PREX2: variants seen among roughly 807,000 people sequenced by gnomAD.
PREX2 encodes phosphatidylinositol-3,4,5-trisphosphate dependent Rac exchange factor 2.
PREX2 carries 107 observed loss-of-function variants against 203.2 expected under a neutral mutation model. That is an observed-to-expected ratio of 0.53 (90% CI 0.45 to 0.62). The LOEUF (loss-of-function observed/expected upper bound fraction) is 0.62. PREX2 is among the 20% of genes least tolerant of loss of function. The pLI, the probability that PREX2 is intolerant of heterozygous loss-of-function variation, is 0.00. For synonymous variants in PREX2, 672 were observed against 663.6 expected, an observed-to-expected ratio of 1.01 and a Z score of -0.19; for missense variants, 1,777 against 1,955.9, an observed-to-expected ratio of 0.91 and a Z score of 1.72.
intron 10 of PREX2, among the ~76,000 whole-genome samples, chr8:68,057,077 A>G (rs1011397880): frequency 3.3e-5 from 5 of 152,102 alleles, no homozygotes; most frequent in African/African-American, 1.2e-4. Flanking sequence ...CCCACGTGTC[A>G]GGGGAGGCAA....
intron 18 of PREX2, among the ~76,000 whole-genome samples, chr8:68,085,796 A>G (rs1401454953): frequency 6.6e-6 from 1 of 152,192 alleles, no homozygotes. Flanking sequence ...CTTAAAGATT[A>G]GAGTCAACCT....
chr8:68,086,013 C>T (rs1240736982), intron 18 of PREX2, among the ~76,000 whole-genome samples: 1 of 152,104 alleles, frequency 6.6e-6, no homozygotes, highest in African/African-American at 2.4e-5. Flanking sequence ...TGTATTCATT[C>T]CCTTTTTCTT....
At position 68,095,869 on chromosome 8, in the gene PREX2, T is replaced by C. The variant is rs142250084; in HGVS notation, c.2369-1148T>C. On this transcript the variant is annotated intron_variant, in intron 21 of 39. Coordinates refer to ENST00000288368, the MANE Select transcript of PREX2 (RefSeq NM_024870.4). Reference sequence around the variant, plus strand: ...TGTTGCCCAGGCTGGTTTCAAACTCTTGAGCTTAAGTGATCCTCCCATTTG... The same window carrying C: ...TGTTGCCCAGGCTGGTTTCAAACTCCTGAGCTTAAGTGATCCTCCCATTTG... Among the ~76,000 whole-genome samples, 452 of 152,162 alleles carry C rather than the reference T, an allele frequency of 3.0e-3. 3 individuals are homozygous for C. The highest frequency in any genetic ancestry group is 7.9e-3 in the African/African-American group (328 of 41,516).
rs764313046 is a variant in PREX2, at chr8:68,069,810, T to C, written c.1444-25T>C. 30 of 1,302,420 alleles carry C rather than the reference T, an allele frequency of 2.3e-5. No individual in the cohort carries two copies. The South Asian group carries it at 3.9e-4, about 17-fold the overall frequency. 80.7% of individuals were successfully genotyped at this position (1,302,420 alleles called of 1,614,324 possible). A position where few individuals can be genotyped will look rare whatever the true frequency, so the allele number is the denominator to read the frequency against. On this transcript the variant is annotated intron_variant, in intron 12 of 39. Coordinates refer to ENST00000288368, the MANE Select transcript of PREX2 (RefSeq NM_024870.4). ...TGTCCCTTGGGTAATCTCACTTGTT[T>C]TTGATATATCTCTATTTTACGTAGG...
intron 1 of PREX2, among the ~76,000 whole-genome samples, chr8:67,963,665 T>G (rs757031437): frequency 3.3e-5 from 5 of 151,940 alleles, no homozygotes; most frequent in Non-Finnish European, 7.4e-5. Flanking sequence ...AGAAAAAGAA[T>G]AGTATTTTTT....
intron 5 of PREX2, 115 bp downstream of exon 5, chr8:68,027,438 A>C: frequency 1.4e-6 from 1 of 690,212 alleles, no homozygotes; most frequent in Non-Finnish European, 2.5e-6. Context: ...CGTAGACCAT[A>C]AGTATTGGAA....
At chr8:68,048,291 G>A (rs1808427225) in intron 8 of PREX2, among the ~76,000 whole-genome samples, 1 of 152,024 alleles carries the variant, frequency 6.6e-6, no homozygotes, top group South Asian at 2.1e-4. Context: ...AATTTTTATA[G>A]TGCATGACTG....
chr8:67,978,756 G>A (rs1806183521), intron 1 of PREX2, among the ~76,000 whole-genome samples: 2 of 152,026 alleles, frequency 1.3e-5, no homozygotes, highest in Non-Finnish European at 1.5e-5. Flanking sequence ...TTTTATATCT[G>A]TAAGTAGCCT....
At position 68,232,088 on chromosome 8, in the gene PREX2, A is replaced by G. The variant is rs1408869538; in HGVS notation, c.*710A>G. ...AATCAATGCTATTTTTGGTGTCTGC[A>G]ATGGGCATGGCTTCCTTGGGCCATG... On this transcript the variant is annotated 3_prime_UTR_variant, in exon 40 of 40. Transcript: ENST00000288368. 2.0e-5 allele frequency: 3 copies of G among 152,202 alleles called. No homozygotes were observed. Among genetic ancestry groups the G allele is most frequent in the Admixed American group, 2.0e-4 (3 of 15,278 alleles). 9.4% of individuals were successfully genotyped at this position (152,202 alleles called of 1,614,324 possible). A position where few individuals can be genotyped will look rare whatever the true frequency, so the allele number is the denominator to read the frequency against.
intron 1 of PREX2, among the ~76,000 whole-genome samples, chr8:68,000,358 A>AAAC (rs1339045122): frequency 6.6e-6 from 1 of 152,154 alleles, no homozygotes; most frequent in Non-Finnish European, 1.5e-5. Context: ...CAGTTGCCAC[A>AAAC]AAACAAACAA....
intron 23 of PREX2, chr8:68,101,306 G>T (rs966794170): frequency 1.4e-5 from 7 of 516,464 alleles, no homozygotes; most frequent in African/African-American, 9.6e-5. Context: ...TGAGTCAAGG[G>T]AAAAGAGATC....
At chr8:68,088,033 A>G (rs1809753823) in intron 19 of PREX2, among the ~76,000 whole-genome samples, 1 of 152,158 alleles carries the variant, frequency 6.6e-6, no homozygotes, top group African/African-American at 2.4e-5. Flanking sequence ...TTATGCCTAA[A>G]TCTCACTTTT....
intron 3 of PREX2, among the ~76,000 whole-genome samples, chr8:68,021,741 A>C (rs1807573194): frequency 6.6e-6 from 1 of 152,184 alleles, no homozygotes; most frequent in African/African-American, 2.4e-5. Flanking sequence ...TTAAGCTGTA[A>C]CTGAATCCTC....
At chr8:67,993,752 T>C (rs1317192309) in intron 1 of PREX2, among the ~76,000 whole-genome samples, 2 of 152,162 alleles carry the variant, frequency 1.3e-5, no homozygotes, top group Non-Finnish European at 2.9e-5. Flanking sequence ...GAGTATTTTA[T>C]CCAGGGCCAA....
chr8:68,030,438 A>C, intron 5 of PREX2, 59 bp from the exon 6 acceptor site: 2 of 1,558,336 alleles, frequency 1.3e-6, no homozygotes, highest in Admixed American at 3.5e-5. Flanking sequence ...GTCAGTCTGA[A>C]CCTGCTGTAC....
chr8:68,128,853 CCA>C (rs2129613281), intron 31 of PREX2, among the ~76,000 whole-genome samples: 1 of 152,284 alleles, frequency 6.6e-6, no homozygotes, highest in South Asian at 2.1e-4. Context: ...TTCCAAAGTA[CCA>C]CACTTGGAAA....
rs138997044 is a variant in PREX2 at position 68,110,617 on chromosome 8, A to ACG, written c.3146+995_3146+996insGC. Among the ~76,000 whole-genome samples, 1,076 of 152,308 alleles carry ACG rather than the reference A, an allele frequency of 7.1e-3. 14 individuals are homozygous for ACG. Among genetic ancestry groups the ACG allele is most frequent in the African/African-American group, 0.024 (983 of 41,550 alleles). On this transcript the variant is annotated intron_variant, in intron 25 of 39. Transcript: ENST00000288368. ...GATGTGAACTCTTTTAACTTCACACACACACCTATCATCCTGTACTTCATG... is the reference window on the plus strand; with the variant it reads ...GATGTGAACTCTTTTAACTTCACACACGCACACCTATCATCCTGTACTTCATG...
rs189612759 is a variant in PREX2, at chr8:68,140,657, C to A, written c.4087+2140C>A. Among the ~76,000 whole-genome samples the A allele has an allele frequency of 2.8e-3, 424 of 151,952 alleles. 10 individuals are homozygous for A. Among genetic ancestry groups the A allele is most frequent in the Admixed American group, 0.026 (393 of 15,274 alleles). ...ACCATTGGCTTTGAAGTCAAGAAAT[C>A]CAGGTCCGAATCTTGGCTTCATTCT... On this transcript the variant is annotated intron_variant, in intron 33 of 39. Coordinates refer to ENST00000288368, the MANE Select transcript of PREX2 (RefSeq NM_024870.4).
chr8:67,956,496 A>G (rs767894923), intron 1 of PREX2, among the ~76,000 whole-genome samples: 4 of 152,264 alleles, frequency 2.6e-5, no homozygotes, highest in Non-Finnish European at 5.9e-5. Context: ...GGACATGAGC[A>G]GAGCAGATAC....
Sources: allele counts gnomAD v4.1 joint callset (sites outside exome capture counted in the v4.1 genomes callset), GRCh38; gene constraint gnomAD v4.1.1; transcripts MANE v1.5; gene names NCBI Gene and HGNC (gene_info 2026-07-23, HGNC 2026-07-21).